The following TTC28 variants were observed in gnomAD, a reference collection of about 807,000 sequenced individuals.
TTC28 encodes the protein tetratricopeptide repeat protein 28.
A neutral mutation model predicts 198.0 loss-of-function variants in TTC28; 61 were observed. The observed-to-expected ratio is 0.31, with a 90% CI of 0.25 to 0.38. TTC28 has a LOEUF of 0.38. Among genes scored for constraint, TTC28 ranks in the 10% least tolerant of loss-of-function variants. The pLI, the probability that TTC28 is intolerant of heterozygous loss-of-function variation, is 1.00. For synonymous variants in TTC28, 1,171 were observed against 1,297.8 expected, an observed-to-expected ratio of 0.90 and a Z score of 2.10; for missense variants, 2,678 against 3,164.0, an observed-to-expected ratio of 0.85 and a Z score of 3.69.
chr22:28,035,192 C>G (rs537398996), intron 12 of TTC28, among the ~76,000 whole-genome samples: 3 of 152,262 alleles, frequency 2.0e-5, no homozygotes, highest in African/African-American at 7.2e-5. Flanking sequence ...TCCCCACCCC[C>G]CTCCAGGCTT....
chr22:28,184,080 T>C (rs1325741112), intron 5 of TTC28, among the ~76,000 whole-genome samples: 4 of 152,192 alleles, frequency 2.6e-5, no homozygotes, highest in Non-Finnish European at 5.9e-5. Flanking sequence ...TTTCCCTTAA[T>C]TAAGGAAGTT....
At chr22:28,214,272 T>C (rs887809869) in intron 5 of TTC28, among the ~76,000 whole-genome samples, 4 of 152,086 alleles carry the variant, frequency 2.6e-5, no homozygotes, top group African/African-American at 4.8e-5. Context: ...AAAGTCAAAA[T>C]TGACAAATGG....
chr22:28,640,695 C>T (rs902049124), intron 1 of TTC28, among the ~76,000 whole-genome samples: 1 of 151,942 alleles, frequency 6.6e-6, no homozygotes, highest in African/African-American at 2.4e-5. Context: ...TGAAATAGCA[C>T]CTAACATAAA....
chr22:28,044,392 T>A (rs980191556), intron 12 of TTC28, among the ~76,000 whole-genome samples: 4 of 152,174 alleles, frequency 2.6e-5, no homozygotes, highest in Non-Finnish European at 2.9e-5. Context: ...CTGTGTGCTT[T>A]GCTAAACTGA....
chr22:28,611,974 C>T (rs571803402), intron 2 of TTC28, among the ~76,000 whole-genome samples: 1 of 152,174 alleles, frequency 6.6e-6, no homozygotes, highest in African/African-American at 2.4e-5. Context: ...CAAATTCACA[C>T]AAGATTAACC....
chr22:28,658,085 G>C (rs1424887746), intron 1 of TTC28, among the ~76,000 whole-genome samples: 1 of 152,050 alleles, frequency 6.6e-6, no homozygotes, highest in African/African-American at 2.4e-5. Context: ...TAAGGATTCA[G>C]AATTACAAAA....
At chr22:28,001,191 G>T in intron 15 of TTC28, 183 bp downstream of exon 15, 1 of 692,062 alleles carries the variant, frequency 1.4e-6, no homozygotes, top group South Asian at 2.3e-5. Flanking sequence ...GGTCATGAGG[G>T]CCGTGCCCCA....
At chr22:28,360,400 A>G (rs1487605426) in intron 2 of TTC28, among the ~76,000 whole-genome samples, 1 of 152,238 alleles carries the variant, frequency 6.6e-6, no homozygotes, top group African/African-American at 2.4e-5. Flanking sequence ...CAATAAAGCT[A>G]TCTTGAAACA....
Position 28,154,413 on chromosome 22 carries a change from G to A in TTC28, c.1441+8679C>T, listed in dbSNP as rs867699158. ...GTCGCCCAGGCTGGAGTGCAGTGGC[G>A]CGATCTCGGCACACTGCAAGCTTTG... On this transcript the variant is annotated intron_variant, in intron 6 of 22. Coordinates refer to ENST00000397906, the MANE Select transcript of TTC28 (RefSeq NM_001145418.2). Among the ~76,000 whole-genome samples the A allele has an allele frequency of 4.0e-5, 6 of 149,358 alleles. No individual in the cohort carries two copies. In the South Asian group the frequency reaches 6.3e-4, roughly 16 times the overall value.
At chr22:28,353,587 C>T (rs956504848) in intron 2 of TTC28, among the ~76,000 whole-genome samples, 170 of 152,174 alleles carry the variant, frequency 1.1e-3, no homozygotes, top group Middle Eastern at 3.4e-3. Flanking sequence ...GTACAAAAGA[C>T]CATTCAATGA....
chr22:28,282,358 T>A (rs2044599472), intron 5 of TTC28, among the ~76,000 whole-genome samples: 1 of 152,190 alleles, frequency 6.6e-6, no homozygotes, highest in Non-Finnish European at 1.5e-5. Context: ...TGCTGCACTT[T>A]TTGTCTTCTG....
chr22:28,098,402 G>A (rs1433012951), intron 10 of TTC28, among the ~76,000 whole-genome samples: 1 of 152,122 alleles, frequency 6.6e-6, no homozygotes, highest in African/African-American at 2.4e-5. Context: ...CTGGCTCCCG[G>A]ACCCACCAGA....
At chr22:28,145,137 T>C (rs2146999153) in intron 6 of TTC28, among the ~76,000 whole-genome samples, 1 of 152,292 alleles carries the variant, frequency 6.6e-6, no homozygotes, top group South Asian at 2.1e-4. Context: ...ACAAAACAAA[T>C]ACCGACACTA....
chr22:28,629,966 G>T, intron 1 of TTC28, 136 bp from the exon 2 acceptor site: 1 of 748,150 alleles, frequency 1.3e-6, no homozygotes, highest in Non-Finnish European at 2.1e-6. Context: ...GGCCTAATGG[G>T]AGGTGTTTAG....
intron 5 of TTC28, among the ~76,000 whole-genome samples, chr22:28,243,123 AGCCCAAGAGTTTGAGACCAGCCTGG>A (rs974833585): frequency 1.2e-4 from 17 of 138,944 alleles, no homozygotes; most frequent in African/African-American, 1.9e-4. Context: ...GGATTGCTTG[AGCCCAAGAGTTTGAGACCAGCCTGG>A]GCAACCTGGC....
At chr22:28,277,143 T>C (rs1019766021) in intron 5 of TTC28, among the ~76,000 whole-genome samples, 1 of 152,184 alleles carries the variant, frequency 6.6e-6, no homozygotes, top group African/African-American at 2.4e-5. Context: ...GTGAAAGACA[T>C]GTTCTAACAC....
At chr22:28,280,232 T>C (rs955141476) in intron 5 of TTC28, among the ~76,000 whole-genome samples, 1 of 152,188 alleles carries the variant, frequency 6.6e-6, no homozygotes, top group Non-Finnish European at 1.5e-5. Context: ...ATATAATACA[T>C]TGATGTATGC....
Position 28,001,494 on chromosome 22 carries a change from C to G in TTC28, c.4278G>C (p.Glu1426Asp). Residue 1426 changes from glutamate (E) to aspartate (D), a missense_variant, in exon 15 of 23, where the codon GAG (glutamate) becomes GAC (aspartate). By Grantham distance (45) the Glu-to-Asp change is conservative. This residue lies in a region of TTC28 where 727 missense variants were observed against 861.9 expected (regional missense o/e 0.84). Transcript: ENST00000397906. ...GRHRQLILVLEGELYLIPFAL... is the reference protein window; with the variant it reads ...GRHRQLILVLDGELYLIPFAL... The stretch of plus-strand genomic sequence containing the variant: ...CGAAAGGAATGAGGTAGAGCTCCCC[C>G]TCCAGAACCAGGATGAGCTGCCGGT... 1.3e-6 allele frequency: 2 copies of G among 1,551,544 alleles called. No individual in the cohort carries two copies. Among genetic ancestry groups the G allele is most frequent in the Non-Finnish European group, 1.7e-6 (2 of 1,146,978 alleles).
chr22:28,369,518 A>C (rs1306174902), intron 2 of TTC28, among the ~76,000 whole-genome samples: 1 of 152,236 alleles, frequency 6.6e-6, no homozygotes, highest in Non-Finnish European at 1.5e-5. Context: ...GTGTTAAAAT[A>C]GGAAGACTCC....
Sources: allele counts gnomAD v4.1 joint callset (sites outside exome capture counted in the v4.1 genomes callset), GRCh38; gene constraint gnomAD v4.1.1; regional missense constraint gnomAD v4.1.1; transcripts MANE v1.5; gene names NCBI Gene and HGNC (gene_info 2026-07-23, HGNC 2026-07-21).